The following MEI4 variants were observed in gnomAD, a reference collection of about 807,000 sequenced individuals.
MEI4 encodes meiosis-specific protein MEI4.
MEI4 carries 27 observed loss-of-function variants against 31.4 expected under a neutral mutation model. That is an observed-to-expected ratio of 0.86 (90% CI 0.63 to 1.19). The LOEUF (loss-of-function observed/expected upper bound fraction) is 1.19. Ranked by LOEUF, MEI4 falls within the 50% of genes most tolerant of loss-of-function variation. The probability of loss-of-function intolerance (pLI) is 0.00; values close to 1 mark genes in which losing one functional copy is unlikely to be tolerated. For missense variants in MEI4, 329 were observed against 398.9 expected (o/e 0.82, Z 1.49); for synonymous variants, 122 against 145.4 (o/e 0.84, Z 1.16).
intron 3 of MEI4, among the ~76,000 whole-genome samples, chr6:77,810,458 C>A (rs543695197): frequency 2.0e-5 from 3 of 152,138 alleles, no homozygotes; most frequent in Admixed American, 6.6e-5. Flanking sequence ...AGAGTATGAT[C>A]ATACAGGTGA....
At chr6:77,747,010 T>A (rs1036094889) in intron 2 of MEI4, among the ~76,000 whole-genome samples, 1 of 152,178 alleles carries the variant, frequency 6.6e-6, no homozygotes, top group African/African-American at 2.4e-5. Context: ...ATTTTCACAC[T>A]GCTATAAAGA....
At chr6:77,729,117 A>T (rs2127666398) in intron 2 of MEI4, among the ~76,000 whole-genome samples, 1 of 152,342 alleles carries the variant, frequency 6.6e-6, no homozygotes, top group Non-Finnish European at 1.5e-5. Flanking sequence ...ATGAACTCAT[A>T]GAGAGGAAGT....
chr6:77,774,295 TGTG>T (rs1412924094), intron 3 of MEI4, among the ~76,000 whole-genome samples: 1 of 152,092 alleles, frequency 6.6e-6, no homozygotes, highest in Admixed American at 6.6e-5. Context: ...ATAAATAAAA[TGTG>T]GTACATACAC....
At chr6:77,782,473 T>G (rs1300220694) in intron 3 of MEI4, among the ~76,000 whole-genome samples, 1 of 152,192 alleles carries the variant, frequency 6.6e-6, no homozygotes, top group Non-Finnish European at 1.5e-5. Flanking sequence ...CCTGAAATTC[T>G]TTTCCATTTT....
At chr6:77,845,607 G>T (rs1384627) in intron 4 of MEI4, among the ~76,000 whole-genome samples, 21,376 of 151,948 alleles carry the variant, frequency 0.14, 1,787 homozygotes, top group East Asian at 0.4. Flanking sequence ...CTTTTTATTT[G>T]GGATATTTCT....
rs556971941 is a variant in MEI4 at position 77,690,020 on chromosome 6, G to T, written c.-14-638G>T. ...TGTGACACACTGTTGGTTTGGAAAA[G>T]TATGCTCAGAATGACGATTGGAAAT... is the stretch of plus-strand genomic sequence containing the variant. On this transcript the variant is annotated intron_variant, in intron 1 of 4. Coordinates refer to ENST00000684080, the MANE Select transcript of MEI4 (RefSeq NM_001322247.2). Among the ~76,000 whole-genome samples, 29 of 152,090 alleles carry T rather than the reference G, an allele frequency of 1.9e-4. 1 individual carries two copies. The South Asian group carries it at 6.0e-3, about 32-fold the overall frequency.
chr6:77,910,112 G>A (rs988229400), intron 4 of MEI4, among the ~76,000 whole-genome samples: 6 of 152,138 alleles, frequency 3.9e-5, no homozygotes, highest in Admixed American at 2.6e-4. Context: ...TACTGAATGG[G>A]CAAAAACTGG....
At chr6:77,673,342 A>G (rs577427568) in intron 1 of MEI4, among the ~76,000 whole-genome samples, 1 of 152,310 alleles carries the variant, frequency 6.6e-6, no homozygotes, top group South Asian at 2.1e-4. Context: ...GTGCTTTTCA[A>G]CAATGATTTG....
At chr6:77,748,441 C>A (rs555079568) in intron 2 of MEI4, among the ~76,000 whole-genome samples, 1 of 152,294 alleles carries the variant, frequency 6.6e-6, no homozygotes, top group East Asian at 1.9e-4. Flanking sequence ...TACTGTGGCC[C>A]CTTTCAGCTA....
In MEI4 at chr6:77,694,886, A is replaced by C. The variant is rs9448156; in HGVS notation, c.232+3983A>C. ...TAGTTTACAGTCCCACCAACAGTGTAAAAGTGTTCCTATTTCTCCACATCC... is the reference window on the plus strand; with the variant it reads ...TAGTTTACAGTCCCACCAACAGTGTCAAAGTGTTCCTATTTCTCCACATCC... On this transcript the variant is annotated intron_variant, in intron 2 of 4. Transcript: ENST00000684080. Among the ~76,000 whole-genome samples the C allele has an allele frequency of 7.0e-3, 1,053 of 150,736 alleles. 8 individuals carry two copies. Among genetic ancestry groups the C allele is most frequent in the African/African-American group, 0.023 (927 of 40,978 alleles).
intron 4 of MEI4, among the ~76,000 whole-genome samples, chr6:77,901,862 A>G (rs1766193992): frequency 6.6e-6 from 1 of 152,018 alleles, no homozygotes; most frequent in African/African-American, 2.4e-5. Context: ...TAAATGTTTT[A>G]TCCATTTTGA....
At chr6:77,883,990 C>A (rs1771562597) in intron 4 of MEI4, among the ~76,000 whole-genome samples, 2 of 151,758 alleles carry the variant, frequency 1.3e-5, no homozygotes, top group African/African-American at 4.8e-5. Context: ...TTCCCTCCAG[C>A]AGTTATTTTC....
chr6:77,659,393 G>A (rs578087416), intron 1 of MEI4, among the ~76,000 whole-genome samples: 355 of 152,244 alleles, frequency 2.3e-3, no homozygotes, highest in African/African-American at 7.7e-3. Context: ...AACTGGAGAT[G>A]TAAAGTAAAA....
intron 4 of MEI4, among the ~76,000 whole-genome samples, chr6:77,867,624 T>C (rs971030215): frequency 6.6e-6 from 1 of 152,048 alleles, no homozygotes; most frequent in African/African-American, 2.4e-5. Context: ...TGGTGGTACT[T>C]TAAACTAGTT....
At chr6:77,909,788 A>G (rs1401737554) in intron 4 of MEI4, among the ~76,000 whole-genome samples, 1 of 151,910 alleles carries the variant, frequency 6.6e-6, no homozygotes, top group East Asian at 1.9e-4. Context: ...TCCCTGATGA[A>G]CATCCATGCA....
At chr6:77,894,619 T>C (rs1486242303) in intron 4 of MEI4, among the ~76,000 whole-genome samples, 1 of 152,184 alleles carries the variant, frequency 6.6e-6, no homozygotes, top group Non-Finnish European at 1.5e-5. Flanking sequence ...TTGTCTTTTG[T>C]AATGTAATAA....
At chr6:77,806,349 G>A (rs1329526715) in intron 3 of MEI4, among the ~76,000 whole-genome samples, 9 of 152,142 alleles carry the variant, frequency 5.9e-5, no homozygotes, top group African/African-American at 1.2e-4. Flanking sequence ...GTGTTTTGGA[G>A]TACCTAGAAA....
At chr6:77,785,395 G>C (rs1220395203) in intron 3 of MEI4, among the ~76,000 whole-genome samples, 1 of 152,066 alleles carries the variant, frequency 6.6e-6, no homozygotes, top group African/African-American at 2.4e-5. Flanking sequence ...TTGGTATCTA[G>C]AAATACCATA....
chr6:77,770,652 A>ACATAAAC (rs1017735237), intron 3 of MEI4, among the ~76,000 whole-genome samples: 2 of 152,320 alleles, frequency 1.3e-5, no homozygotes, highest in Admixed American at 1.3e-4. Flanking sequence ...ACAAACAGAC[A>ACATAAAC]CATAAACCAA....
Sources: gnomAD v4.1 joint callset for allele counts (sites outside exome capture counted in the v4.1 genomes callset) on GRCh38, gnomAD v4.1.1 for gene constraint, MANE v1.5 for transcripts, NCBI Gene and HGNC (gene_info 2026-07-23, HGNC 2026-07-21) for gene names.